OTUD7A: variants seen among roughly 807,000 people sequenced by gnomAD.
OTUD7A encodes OTU domain-containing protein 7A.
A neutral mutation model predicts 65.7 loss-of-function variants in OTUD7A; 12 were observed. That is an observed-to-expected ratio of 0.18 (90% CI 0.12 to 0.30). OTUD7A has a LOEUF of 0.30. Among genes scored for constraint, OTUD7A ranks in the 10% least tolerant of loss-of-function variants. OTUD7A has a pLI of 1.00. For synonymous variants in OTUD7A, 641 were observed against 586.3 expected (o/e 1.09, Z -1.35); for missense variants, 1,148 against 1,304.8 (o/e 0.88, Z 1.85).
intron 1 of OTUD7A, among the ~76,000 whole-genome samples, chr15:31,786,888 A>G (rs1895688131): frequency 6.6e-6 from 1 of 152,160 alleles, no homozygotes; most frequent in Non-Finnish European, 1.5e-5. Context: ...CCATCTCATT[A>G]TGAAATGTGT....
At chr15:31,817,395 C>T (rs546165400) in intron 1 of OTUD7A, among the ~76,000 whole-genome samples, 1 of 151,868 alleles carries the variant, frequency 6.6e-6, no homozygotes, top group Admixed American at 6.6e-5. Context: ...CTTCTGCAAT[C>T]GAGAAATCAA....
rs150909083 is a variant in OTUD7A, at chr15:31,782,248, G to A, written c.-100+88259C>T. Among the ~76,000 whole-genome samples, 462 of 152,360 alleles carry A rather than the reference G, an allele frequency of 3.0e-3. 15 individuals carry two copies. Among genetic ancestry groups the A allele is most frequent in the Admixed American group, 0.028 (430 of 15,306 alleles). ...CTGAGGGAGGTGCCAAGAGTAATGT[G>A]AGACAGCCATCAACAGAGGGTGTGC... On this transcript the variant is annotated intron_variant, in intron 1 of 12. Transcript: ENST00000307050.
At chr15:31,812,125 G>A (rs1048047091) in intron 1 of OTUD7A, among the ~76,000 whole-genome samples, 7 of 152,162 alleles carry the variant, frequency 4.6e-5, no homozygotes, top group Non-Finnish European at 8.8e-5. Context: ...TCTGCAAGTG[G>A]ACCCCGGCTT....
intron 6 of OTUD7A, among the ~76,000 whole-genome samples, chr15:31,527,536 T>C (rs1370033570): frequency 6.6e-6 from 1 of 152,224 alleles, no homozygotes; most frequent in Non-Finnish European, 1.5e-5. Flanking sequence ...AAAACAATAG[T>C]GGGTGAAAAT....
chr15:31,828,303 G>C (rs1212081151), intron 1 of OTUD7A, among the ~76,000 whole-genome samples: 11 of 151,826 alleles, frequency 7.2e-5, no homozygotes. Flanking sequence ...ATTTTTGTTA[G>C]TATTTTCTTT....
intron 1 of OTUD7A, among the ~76,000 whole-genome samples, chr15:31,716,474 G>A (rs1595723537): frequency 8.4e-6 from 1 of 118,680 alleles, no homozygotes; most frequent in African/African-American, 2.6e-5. Flanking sequence ...ACGTGTGAGT[G>A]GGCACAGCCT....
At chr15:31,792,346 C>G (rs1895840302) in intron 1 of OTUD7A, among the ~76,000 whole-genome samples, 1 of 152,110 alleles carries the variant, frequency 6.6e-6, no homozygotes, top group African/African-American at 2.4e-5. Context: ...TAAAACCTCC[C>G]AATGACTTCC....
intron 1 of OTUD7A, among the ~76,000 whole-genome samples, chr15:31,753,257 G>T (rs746727789): frequency 6.6e-6 from 1 of 151,310 alleles, no homozygotes; most frequent in Admixed American, 6.6e-5. Context: ...CCCAAAAAAA[G>T]AAATCTCCAG....
At chr15:31,870,221 C>G (rs1045220418) in intron 1 of OTUD7A, among the ~76,000 whole-genome samples, 1 of 148,694 alleles carries the variant, frequency 6.7e-6, no homozygotes, top group African/African-American at 2.4e-5. Flanking sequence ...GCGCCGCGCC[C>G]TGCCCGAGAG....
At chr15:31,651,830 CG>C (rs1489071735) in intron 3 of OTUD7A, among the ~76,000 whole-genome samples, 12 of 151,624 alleles carry the variant, frequency 7.9e-5, no homozygotes, top group Non-Finnish European at 1.8e-4. Context: ...AAAATGTTGA[CG>C]AAAGAACTTA....
chr15:31,722,133 G>A (rs1361005459), intron 1 of OTUD7A, among the ~76,000 whole-genome samples: 2 of 152,168 alleles, frequency 1.3e-5, no homozygotes, highest in Non-Finnish European at 2.9e-5. Flanking sequence ...ATTGAGCCAT[G>A]ACATACCATA....
At chr15:31,840,453 A>T (rs946391986) in intron 1 of OTUD7A, among the ~76,000 whole-genome samples, 92 of 141,330 alleles carry the variant, frequency 6.5e-4, no homozygotes, top group African/African-American at 1.8e-3. Context: ...TTAAAAAATA[A>T]AAATAAAAAT....
At chr15:31,690,027 A>G (rs1270237802) in intron 1 of OTUD7A, among the ~76,000 whole-genome samples, 2 of 152,200 alleles carry the variant, frequency 1.3e-5, no homozygotes, top group African/African-American at 4.8e-5. Context: ...CATTTATTTT[A>G]TCTAATAACT....
chr15:31,837,768 G>A (rs973472747), intron 1 of OTUD7A, among the ~76,000 whole-genome samples: 3 of 152,122 alleles, frequency 2.0e-5, no homozygotes, highest in East Asian at 1.9e-4. Flanking sequence ...TGTAAATATG[G>A]ACAAGCTTAA....
intron 1 of OTUD7A, among the ~76,000 whole-genome samples, chr15:31,857,408 T>C (rs577452267): frequency 1.3e-5 from 2 of 151,692 alleles, no homozygotes; most frequent in Non-Finnish European, 2.9e-5. Context: ...GGGCTGGGAG[T>C]ATCTCACTCT....
chr15:31,550,061 C>T (rs1397745156), intron 5 of OTUD7A, among the ~76,000 whole-genome samples: 2 of 149,272 alleles, frequency 1.3e-5, no homozygotes, highest in African/African-American at 5.0e-5. Flanking sequence ...GATCGTGCCA[C>T]TGCACTCCAG....
intron 1 of OTUD7A, among the ~76,000 whole-genome samples, chr15:31,732,946 G>A (rs1337950840): frequency 2.6e-5 from 4 of 152,072 alleles, no homozygotes; most frequent in Non-Finnish European, 5.9e-5. Flanking sequence ...CAATCTTGAC[G>A]TCCTCCCCTC....
At chr15:31,793,946 A>G (rs536196309) in intron 1 of OTUD7A, among the ~76,000 whole-genome samples, 1 of 152,366 alleles carries the variant, frequency 6.6e-6, no homozygotes, top group African/African-American at 2.4e-5. Flanking sequence ...TATGTTGATC[A>G]GAAATTCTTA....
chr15:31,832,318 T>C (rs1016480015), intron 1 of OTUD7A, among the ~76,000 whole-genome samples: 1 of 152,090 alleles, frequency 6.6e-6, no homozygotes. Context: ...GAGTGTCATG[T>C]GACAGGGAGA....
Sources: allele counts gnomAD v4.1 joint callset (sites outside exome capture counted in the v4.1 genomes callset), GRCh38; gene constraint gnomAD v4.1.1; transcripts MANE v1.5; gene names NCBI Gene and HGNC (gene_info 2026-07-23, HGNC 2026-07-21).